The following BCAS3 variants were observed in gnomAD, a reference collection of about 807,000 sequenced individuals.
The protein encoded by BCAS3 is BCAS4/BCAS3 fusion.
BCAS3 carries 53 observed loss-of-function variants against 116.1 expected under a neutral mutation model. The observed-to-expected ratio is 0.46, with a 90% CI of 0.37 to 0.57. BCAS3 has a LOEUF of 0.57. Among genes scored for constraint, BCAS3 ranks in the 20% least tolerant of loss-of-function variants. BCAS3 has a pLI of 0.00. For synonymous variants in BCAS3, 391 were observed against 408.2 expected (o/e 0.96, Z 0.51); for missense variants, 917 against 1,165.4 (o/e 0.79, Z 3.10).
Position 60,868,578 on chromosome 17 carries a change from C to A in BCAS3, c.479C>A (p.Thr160Lys). ...TTTCTTTCTTTTTTCTTTTTTAGCA[C>A]AAGCCCACCGTACTGTTGTGTGGAT... ...GVCKSIGSSGTSPPYCCVDLY... is the reference protein window; with the variant it reads ...GVCKSIGSSGKSPPYCCVDLY... The change falls in exon 8 of 24, where the codon ACA becomes AAA. Residue 160 changes from threonine to lysine, a missense_variant and splice_region_variant. Thr to Lys is a moderately conservative substitution (Grantham distance 78, BLOSUM62 -1). Coordinates refer to ENST00000407086, the MANE Select transcript of BCAS3 (RefSeq NM_017679.5). The A allele has an allele frequency of 6.5e-7, 1 of 1,530,412 alleles. No individual in the cohort carries two copies. 94.8% of individuals were successfully genotyped at this position (1,530,412 alleles called of 1,614,324 possible). A position where few individuals can be genotyped will look rare whatever the true frequency, so the allele number is the denominator to read the frequency against.
chr17:61,268,256 C>T (rs1280323938), intron 22 of BCAS3, among the ~76,000 whole-genome samples: 3 of 152,088 alleles, frequency 2.0e-5, no homozygotes, highest in African/African-American at 7.2e-5. Context: ...AATGTATATT[C>T]CTCAATCTAG....
At chr17:61,064,515 T>C (rs2070404575) in intron 19 of BCAS3, among the ~76,000 whole-genome samples, 1 of 152,170 alleles carries the variant, frequency 6.6e-6, no homozygotes. Flanking sequence ...AAATGACCTC[T>C]TGGTAGCAGG....
chr17:60,728,446 A>T (rs570155940), intron 5 of BCAS3, among the ~76,000 whole-genome samples: 2 of 151,992 alleles, frequency 1.3e-5, no homozygotes, highest in East Asian at 3.9e-4. Context: ...GAATACCACA[A>T]TTTGTTTATG....
At chr17:61,338,980 C>T (rs1371375994) in intron 22 of BCAS3, among the ~76,000 whole-genome samples, 3 of 151,282 alleles carry the variant, frequency 2.0e-5, no homozygotes, top group African/African-American at 7.3e-5. Context: ...CAGTCAAGTC[C>T]CTCTTCATAC....
rs1354232317 is a variant in BCAS3 at position 61,315,728 on chromosome 17, G to T, written c.2426-52599G>T. Among the ~76,000 whole-genome samples the T allele has an allele frequency of 1.3e-5, 2 of 152,030 alleles. No homozygotes were observed. The highest frequency in any genetic ancestry group is 2.9e-5 in the Non-Finnish European group (2 of 68,004). On this transcript the variant is annotated intron_variant, in intron 22 of 23. Transcript: ENST00000407086. The surrounding 1 kb of genome is among the most constrained non-coding windows in gnomAD (Gnocchi z 5.3). The stretch of plus-strand genomic sequence containing the variant: ...CGTTTCATGCCCCACGCCTTTGCTG[G>T]TACTGGTCCCTGAGATGTCCCCTGA...
At position 60,682,388 on chromosome 17, in the gene BCAS3, C is replaced by A. The variant is rs545838010; in HGVS notation, c.84-1594C>A. Among the ~76,000 whole-genome samples, 3 of 152,172 alleles carry A rather than the reference C, an allele frequency of 2.0e-5. No homozygotes were observed. The South Asian group carries it at 6.2e-4, about 32-fold the overall frequency. On this transcript the variant is annotated intron_variant, in intron 2 of 23. Coordinates refer to ENST00000407086, the MANE Select transcript of BCAS3 (RefSeq NM_017679.5). ...GTTGGAGAGGTAGCCTAATAATTTTCTTTTTTAGGCCTAATCGATTTTTGT... is the reference window on the plus strand; with the variant it reads ...GTTGGAGAGGTAGCCTAATAATTTTATTTTTTAGGCCTAATCGATTTTTGT...
chr17:61,055,274 A>G (rs1267457321), intron 19 of BCAS3, among the ~76,000 whole-genome samples: 1 of 152,214 alleles, frequency 6.6e-6, no homozygotes, highest in Non-Finnish European at 1.5e-5. Flanking sequence ...GAGGAATGCT[A>G]CAACTGTCTG....
intron 22 of BCAS3, among the ~76,000 whole-genome samples, chr17:61,147,720 C>T (rs2077307181): frequency 6.6e-6 from 1 of 152,094 alleles, no homozygotes; most frequent in Non-Finnish European, 1.5e-5. Flanking sequence ...GGCACCGTGG[C>T]TCACGCCTGT....
At chr17:61,358,732 G>C (rs1414586355) in intron 22 of BCAS3, among the ~76,000 whole-genome samples, 3 of 152,042 alleles carry the variant, frequency 2.0e-5, no homozygotes, top group Non-Finnish European at 2.9e-5. Flanking sequence ...CCGGCCTCAG[G>C]TGATCCGCCT....
intron 7 of BCAS3, among the ~76,000 whole-genome samples, chr17:60,856,143 A>G (rs1474024524): frequency 6.6e-6 from 1 of 152,168 alleles, no homozygotes; most frequent in East Asian, 1.9e-4. Flanking sequence ...TAATGATGCT[A>G]TTTGCAAAAA....
Position 60,879,449 on chromosome 17 carries a change from G to C in BCAS3, c.661+4711G>C, listed in dbSNP as rs150646329. Among the ~76,000 whole-genome samples, 1,421 of 152,272 alleles carry C rather than the reference G, an allele frequency of 9.3e-3. 18 individuals carry two copies. The highest frequency in any genetic ancestry group is 0.014 in the Non-Finnish European group (960 of 68,016). On this transcript the variant is annotated intron_variant, in intron 9 of 23. Coordinates refer to ENST00000407086, the MANE Select transcript of BCAS3 (RefSeq NM_017679.5). ...AGGTAAAGAGAGCTGATAGAGGACT[G>C]TTAATGGAACGCATCCAATATGATG...
chr17:61,147,099 G>C (rs573866767), intron 22 of BCAS3, among the ~76,000 whole-genome samples: 2 of 151,478 alleles, frequency 1.3e-5, no homozygotes, highest in East Asian at 3.9e-4. Context: ...TTTTGAGACA[G>C]AGTCTCACTC....
rs534536161 is a variant in BCAS3 at position 61,203,537 on chromosome 17, A to C, written c.2425+118973A>C. On this transcript the variant is annotated intron_variant, in intron 22 of 23. Transcript: ENST00000407086. The surrounding 1 kb of genome is among the most constrained non-coding windows in gnomAD (Gnocchi z 5.7). ...AAAGATAGTTTATGAAGAACTTAAC[A>C]GTTTCCACATTGCCATTTCTGTAAA... Among the ~76,000 whole-genome samples, 40 of 152,198 alleles carry C rather than the reference A, an allele frequency of 2.6e-4. No homozygotes were observed. The highest frequency in any genetic ancestry group is 5.4e-4 in the Non-Finnish European group (37 of 68,036).
At chr17:61,010,207 C>T (rs2065016713) in intron 15 of BCAS3, among the ~76,000 whole-genome samples, 2 of 151,622 alleles carry the variant, frequency 1.3e-5, no homozygotes, top group South Asian at 4.2e-4. Flanking sequence ...TCTCTGTTCA[C>T]TTTTATCCTC....
intron 13 of BCAS3, among the ~76,000 whole-genome samples, chr17:60,931,875 C>A (rs1421531025): frequency 6.6e-6 from 1 of 152,064 alleles, no homozygotes; most frequent in Non-Finnish European, 1.5e-5. Flanking sequence ...GAGCTAGAGA[C>A]CAGCCTAGGC....
At chr17:61,172,973 G>A (rs1378896907) in intron 22 of BCAS3, among the ~76,000 whole-genome samples, 1 of 140,168 alleles carries the variant, frequency 7.1e-6, no homozygotes, top group Admixed American at 7.5e-5. Flanking sequence ...GGGCGACAGA[G>A]CAAGATTCCA....
chr17:61,354,230 G>A lies in BCAS3; in HGVS notation c.2426-14097G>A, dbSNP rs1175884131. On this transcript the variant is annotated intron_variant, in intron 22 of 23. Coordinates refer to ENST00000407086, the MANE Select transcript of BCAS3 (RefSeq NM_017679.5). The surrounding 1 kb of genome is among the most constrained non-coding windows in gnomAD (Gnocchi z 4.5). The stretch of plus-strand genomic sequence containing the variant: ...GCTTCCTCATCTATGAAATGGAGTT[G>A]ACAGCATCTGTCCTGCCTGTGGTAA... The A allele has an allele frequency of 6.6e-6, 1 of 152,228 alleles. No homozygotes were observed. Among genetic ancestry groups the A allele is most frequent in the Non-Finnish European group, 1.5e-5 (1 of 68,062 alleles). 9.4% of individuals were successfully genotyped at this position (152,228 alleles called of 1,614,324 possible).
chr17:61,218,895 T>A (rs2081954643), intron 22 of BCAS3, among the ~76,000 whole-genome samples: 1 of 152,122 alleles, frequency 6.6e-6, no homozygotes. Flanking sequence ...ACATTAAACA[T>A]AGGAGAACCA....
intron 11 of BCAS3, among the ~76,000 whole-genome samples, chr17:60,907,944 A>T (rs1289273236): frequency 6.6e-6 from 1 of 152,198 alleles, no homozygotes; most frequent in Non-Finnish European, 1.5e-5. Context: ...CTTGATGCTA[A>T]CATGGAAACA....
Sources: allele counts gnomAD v4.1 joint callset (sites outside exome capture counted in the v4.1 genomes callset), GRCh38; gene constraint gnomAD v4.1.1; non-coding constraint Gnocchi (gnomAD v3.1); transcripts MANE v1.5; gene names NCBI Gene and HGNC (gene_info 2026-07-23, HGNC 2026-07-21).